The following LAMB1 variants were observed in gnomAD, a reference collection of about 807,000 sequenced individuals.
The protein encoded by LAMB1 is laminin subunit beta 1.
LAMB1 carries 121 observed loss-of-function variants against 222.3 expected under a neutral mutation model. The observed-to-expected ratio is 0.54, with a 90% CI of 0.47 to 0.63. The LOEUF (loss-of-function observed/expected upper bound fraction) is 0.63, where lower values mean the gene tolerates loss of function less well. LAMB1 is among the 30% of genes least tolerant of loss of function. The pLI is 0.00. For missense variants in LAMB1, 2,172 were observed against 2,240.8 expected, an observed-to-expected ratio of 0.97 and a Z score of 0.62; for synonymous variants, 794 against 807.2, an observed-to-expected ratio of 0.98 and a Z score of 0.28.
intron 5 of LAMB1, among the ~76,000 whole-genome samples, chr7:107,987,572 T>C (rs929121366): frequency 3.3e-5 from 5 of 152,140 alleles, no homozygotes; most frequent in Admixed American, 1.3e-4. Flanking sequence ...ACGATCTCAG[T>C]TCAATGCATC....
intron 13 of LAMB1, among the ~76,000 whole-genome samples, chr7:107,968,006 G>C (rs1253584961): frequency 1.3e-5 from 2 of 152,216 alleles, no homozygotes; most frequent in South Asian, 4.1e-4. Context: ...GGAATAACAG[G>C]AGCAAAGAGG....
Position 107,961,607 on chromosome 7 carries a change from A to C in LAMB1, c.1927T>G (p.Cys643Gly). ...RPGRIPTSSRCGNTIPDDDNQ... is the reference protein window; with the variant it reads ...RPGRIPTSSRGGNTIPDDDNQ... ...TCATCATCGGGGATGGTATTACCACATCGGCTGCTGGTTGGAATCCTTCCA... is the reference window on the plus strand; with the variant it reads ...TCATCATCGGGGATGGTATTACCACCTCGGCTGCTGGTTGGAATCCTTCCA... Residue 643 changes from cysteine to glycine, a missense_variant, in exon 16 of 34, where the codon TGT (cysteine) becomes GGT (glycine). Coordinates refer to ENST00000222399, the MANE Select transcript of LAMB1 (RefSeq NM_002291.3). The C allele has an allele frequency of 6.2e-7, 1 of 1,614,132 alleles. No individual in the cohort carries two copies. Among genetic ancestry groups the C allele is most frequent in the South Asian group, 1.1e-5 (1 of 91,080 alleles).
intron 3 of LAMB1, among the ~76,000 whole-genome samples, chr7:108,001,232 C>A (rs2034376062): frequency 6.6e-6 from 1 of 152,218 alleles, no homozygotes; most frequent in Non-Finnish European, 1.5e-5. Context: ...GAGGATAAAT[C>A]ACCTTTAATG....
chr7:107,929,471 C>A lies in LAMB1; in HGVS notation c.4686G>T (p.Gln1562His). 1 of 1,614,126 alleles carries A rather than the reference C, an allele frequency of 6.2e-7. No homozygotes were observed. The highest frequency in any genetic ancestry group is 8.5e-7 in the Non-Finnish European group (1 of 1,180,008). Reference sequence around the variant, plus strand: ...CTCTGGCAATGTCAGCAGCACTATGCTGAAGAATAACCTCTACTTGAGAAA... The same window carrying A: ...CTCTGGCAATGTCAGCAGCACTATGATGAAGAATAACCTCTACTTGAGAAA... Reference protein sequence around the residue: ...ESLSQVEVILQHSAADIARAE... With the variant: ...ESLSQVEVILHHSAADIARAE... The change falls in exon 30 of 34, where the codon CAG (glutamine) becomes CAT (histidine). Residue 1562 changes from glutamine to histidine, a missense_variant. Coordinates refer to ENST00000222399, the MANE Select transcript of LAMB1 (RefSeq NM_002291.3).
chr7:107,986,550 T>G (rs918832833), intron 5 of LAMB1, among the ~76,000 whole-genome samples, 187 bp from the exon 6 acceptor site: 1 of 152,120 alleles, frequency 6.6e-6, no homozygotes, highest in African/African-American at 2.4e-5. Context: ...GCAAGGAAAA[T>G]GTCTAACCTC....
Position 107,929,125 on chromosome 7 carries a change from G to A in LAMB1, c.4826C>T (p.Ala1609Val). 6.2e-7 allele frequency: 1 copy of A among 1,614,004 alleles called. No homozygotes were observed. Among genetic ancestry groups the A allele is most frequent in the Non-Finnish European group, 8.5e-7 (1 of 1,179,988 alleles). Reference protein sequence around the residue: ...LEEAEKAQVAAEKAIKQADED... With the variant: ...LEEAEKAQVAVEKAIKQADED... ...ATCTGCTTGTTTAATTGCCTTCTCT[G>A]CTGCGACCTGGGCCTTTTCTGCTTC... The change falls in exon 31 of 34, where the codon GCA (alanine) becomes GTA (valine). Residue 1609 changes from alanine to valine, a missense_variant. By Grantham distance (64) the Ala-to-Val change is moderately conservative. Coordinates refer to ENST00000222399, the MANE Select transcript of LAMB1 (RefSeq NM_002291.3).
chr7:107,995,521 T>C (rs1161440976), intron 4 of LAMB1, among the ~76,000 whole-genome samples: 3 of 152,238 alleles, frequency 2.0e-5, no homozygotes, highest in Admixed American at 1.3e-4. Flanking sequence ...TTTGGATGCA[T>C]TTCCACAATG....
chr7:107,957,118 G>A (rs189847901), intron 20 of LAMB1, among the ~76,000 whole-genome samples: 87 of 152,242 alleles, frequency 5.7e-4, no homozygotes, highest in East Asian at 1.2e-3. Context: ...GGCCAGGTGC[G>A]GTGGCTCACC....
intron 7 of LAMB1, among the ~76,000 whole-genome samples, chr7:107,983,547 C>CCT (rs1554411520): frequency 3.6e-5 from 4 of 111,142 alleles, no homozygotes; most frequent in African/African-American, 1.4e-4. Context: ...CTCCAAAGCC[C>CCT]TTTTTTTTTT....
At chr7:107,978,627 T>C (rs933712192) in intron 8 of LAMB1, among the ~76,000 whole-genome samples, 5 of 146,672 alleles carry the variant, frequency 3.4e-5, no homozygotes, top group Admixed American at 2.1e-4. Context: ...AAAAAGGTTT[T>C]TGTTAGCTAG....
chr7:107,950,582 G>C (rs914826923), intron 24 of LAMB1, among the ~76,000 whole-genome samples: 2 of 152,088 alleles, frequency 1.3e-5, no homozygotes, highest in Admixed American at 1.3e-4. Context: ...ATAAGCTTAG[G>C]TGAAAATCTG....
At chr7:107,975,617 G>A in intron 10 of LAMB1, 72 bp downstream of exon 10, 4 of 1,425,104 alleles carry the variant, frequency 2.8e-6, no homozygotes, top group Non-Finnish European at 3.9e-6. Flanking sequence ...TGAGCTCTGA[G>A]ACTACTGACT....
In LAMB1 at chr7:107,971,754, T is replaced by C. The variant is rs899557492; in HGVS notation, c.1562+1238A>G. On this transcript the variant is annotated intron_variant, in intron 13 of 33. Coordinates refer to ENST00000222399, the MANE Select transcript of LAMB1 (RefSeq NM_002291.3). Reference sequence around the variant, plus strand: ...AGATTAGAGGGCAGGCTAGGGCCTGTGCGTGGGTGGAGACAGACAGGAAGT... The same window carrying C: ...AGATTAGAGGGCAGGCTAGGGCCTGCGCGTGGGTGGAGACAGACAGGAAGT... 6.6e-5 allele frequency among the ~76,000 whole-genome samples: 10 copies of C among 152,292 alleles called. No homozygotes were observed. In the East Asian group the frequency reaches 1.2e-3, roughly 18 times the overall value.
Position 107,924,027 on chromosome 7 carries a change from G to C in LAMB1, c.5285C>G (p.Ala1762Gly). ...TGAACGGACTTCTCCTTCCAGTCTT[G>C]CTAATTCTTGAGCTTTATCTTCTAA... ...RYLEDKAQEL[A>G]RLEGEVRSLL... The change falls in exon 34 of 34, where the codon GCA becomes GGA. Residue 1762 changes from alanine to glycine, a missense_variant. By Grantham distance (60) the Ala-to-Gly change is moderately conservative. Transcript: ENST00000222399. The C allele has an allele frequency of 6.3e-7, 1 of 1,590,784 alleles. No individual in the cohort carries two copies. The highest frequency in any genetic ancestry group is 8.5e-7 in the Non-Finnish European group (1 of 1,174,272).
Position 107,998,403 on chromosome 7 carries a change from A to T in LAMB1, c.303T>A (p.Thr101=), listed in dbSNP as rs750894564. 6.2e-7 allele frequency: 1 copy of T among 1,614,020 alleles called. No individual in the cohort carries two copies. The highest frequency in any genetic ancestry group is 1.1e-5 in the South Asian group (1 of 91,074). The change falls in exon 4 of 34, where the codon ACT becomes ACA. Residue 101 remains threonine (T), a synonymous_variant. Coordinates refer to ENST00000222399, the MANE Select transcript of LAMB1 (RefSeq NM_002291.3). ...PDSHLIENVV[T]TFAPNRLKIW... is the part of the protein sequence containing the mutation. The stretch of plus-strand genomic sequence containing the variant: ...TCTTAAGGCGGTTTGGAGCAAATGT[A>T]GTGACCACATTTTCAATGAGATGGC...
At position 107,935,504 on chromosome 7, in the gene LAMB1, A is replaced by T; in HGVS notation, c.4099T>A (p.Phe1367Ile). ...GCCTGCTCCTCTTGTTTTTCCTTGAACTGGGATTCTCGCTCCATCATCACG... is the reference window on the plus strand; with the variant it reads ...GCCTGCTCCTCTTGTTTTTCCTTGATCTGGGATTCTCGCTCCATCATCACG... ...EDVMMERESQ[F>I]KEKQEEQARL... is the part of the protein sequence containing the mutation. Residue 1367 changes from phenylalanine (F) to isoleucine (I), a missense_variant, in exon 27 of 34, where the codon TTC (phenylalanine) becomes ATC (isoleucine). Coordinates refer to ENST00000222399, the MANE Select transcript of LAMB1 (RefSeq NM_002291.3). 1.9e-6 allele frequency: 3 copies of T among 1,613,694 alleles called. No individual in the cohort carries two copies. The highest frequency in any genetic ancestry group is 2.5e-6 in the Non-Finnish European group (3 of 1,179,934).
chr7:107,997,701 G>C lies in LAMB1; in HGVS notation c.349+656C>G, dbSNP rs889939375. Among the ~76,000 whole-genome samples the C allele has an allele frequency of 6.6e-5, 10 of 152,164 alleles. No homozygotes were observed. In the East Asian group the frequency reaches 7.7e-4, roughly 12 times the overall value. On this transcript the variant is annotated intron_variant, in intron 4 of 33. Transcript: ENST00000222399. Reference sequence around the variant, plus strand: ...CTTTATTCCCCAAATTTCAGCATTCGAGTTTGAAACAAATGTGAAACTCAT... The same window carrying C: ...CTTTATTCCCCAAATTTCAGCATTCCAGTTTGAAACAAATGTGAAACTCAT...
chr7:107,929,498 G>A lies in LAMB1; in HGVS notation c.4659C>T (p.Ser1553=). ...GAAGAATAACCTCTACTTGAGAAAGGCTTTCAACTCGTTCACGTATATCTT... is the reference window on the plus strand; with the variant it reads ...GAAGAATAACCTCTACTTGAGAAAGACTTTCAACTCGTTCACGTATATCTT... The part of the protein sequence containing the change: ...LTEDIRERVE[S]LSQVEVILQH... Residue 1553 remains serine, a synonymous_variant, in exon 30 of 34, where the codon AGC becomes AGT. Transcript: ENST00000222399. The A allele has an allele frequency of 5.6e-6, 9 of 1,614,072 alleles. No individual in the cohort carries two copies. Among genetic ancestry groups the A allele is most frequent in the Non-Finnish European group, 7.6e-6 (9 of 1,179,960 alleles).
At chr7:107,954,390 T>C (rs904462494) in intron 21 of LAMB1, among the ~76,000 whole-genome samples, 2 of 151,032 alleles carry the variant, frequency 1.3e-5, no homozygotes, top group Non-Finnish European at 3.0e-5. Context: ...CGCTGGTCTC[T>C]TACTCCTGGG....
Sources: allele counts gnomAD v4.1 joint callset (sites outside exome capture counted in the v4.1 genomes callset), GRCh38; gene constraint gnomAD v4.1.1; transcripts MANE v1.5; gene names NCBI Gene and HGNC (gene_info 2026-07-23, HGNC 2026-07-21).